Variants in NCSTN observed in about 807,000 individuals in gnomAD.
The protein encoded by NCSTN is anterior pharynx-defective 2.
In NCSTN, 22 loss-of-function variants were observed where a neutral mutation model predicts 87.0. The ratio of observed to expected loss-of-function variants is 0.25; its 90% CI spans 0.18 to 0.36. The LOEUF (loss-of-function observed/expected upper bound fraction) is 0.36. NCSTN is among the 10% of genes least tolerant of loss of function. NCSTN has a pLI of 1.00. For synonymous variants in NCSTN, 306 were observed against 327.1 expected (o/e 0.94, Z 0.69); for missense variants, 693 against 883.3 (o/e 0.78, Z 2.73).
At position 160,343,499 on chromosome 1, in the gene NCSTN, G is replaced by A. The variant is rs777521432; in HGVS notation, c.85+18G>A. On this transcript the variant is annotated intron_variant, in intron 1 of 16. Coordinates refer to ENST00000294785, the MANE Select transcript of NCSTN (RefSeq NM_015331.3). ...ACTAGCAGGTGAGGCCTCCCCGCCC[G>A]TGAGCTCCGTTCTCTAAGGGGAACT... 6.3e-7 allele frequency: 1 copy of A among 1,592,054 alleles called. No homozygotes were observed. Among genetic ancestry groups the A allele is most frequent in the Non-Finnish European group, 8.5e-7 (1 of 1,169,798 alleles).
In NCSTN at chr1:160,351,150, C is replaced by T; in HGVS notation, c.583-72C>T. ...CATCCCAAAAGGATGGAACTGGGCC[C>T]TCCTCCTTCTGGGATGTAAGGGAGG... On this transcript the variant is annotated intron_variant, in intron 5 of 16. Coordinates refer to ENST00000294785, the MANE Select transcript of NCSTN (RefSeq NM_015331.3). 4 of 1,533,770 alleles carry T rather than the reference C, an allele frequency of 2.6e-6. No homozygotes were observed. In the South Asian group the frequency reaches 4.5e-5, roughly 17 times the overall value.
At chr1:160,356,156 T>A in intron 13 of NCSTN, 104 bp from the exon 14 acceptor site, 1 of 1,134,868 alleles carries the variant, frequency 8.8e-7, no homozygotes, top group Non-Finnish European at 1.3e-6. Flanking sequence ...CCAGTCTATC[T>A]GGCCAGTCTG....
At chr1:160,343,958 T>TTTTG (rs1185279784) in intron 1 of NCSTN, 2 of 240,388 alleles carry the variant, frequency 8.3e-6, no homozygotes, top group African/African-American at 5.2e-5. Flanking sequence ...CCTCAGGTTT[T>TTTTG]TTTTTTTTTT....
chr1:160,348,435 C>T (rs886679703), intron 2 of NCSTN, among the ~76,000 whole-genome samples: 7 of 152,222 alleles, frequency 4.6e-5, no homozygotes, highest in Non-Finnish European at 8.8e-5. Flanking sequence ...AATGAGAGCA[C>T]ATCTCTGATC....
chr1:160,353,228 A>G lies in NCSTN; in HGVS notation c.1170A>G (p.Val390=). 1 of 1,614,166 alleles carries G rather than the reference A, an allele frequency of 6.2e-7. No individual in the cohort carries two copies. The highest frequency in any genetic ancestry group is 8.5e-7 in the Non-Finnish European group (1 of 1,180,016). ...CTGTTTCTCAGAAAAATGAGTCTGT[A>G]CGGAACCAGGTAACCTGAGCATCTC... ...TDPVSQKNES[V]RNQVEDLLAT... The change falls in exon 10 of 17, where the codon GTA becomes GTG. Residue 390 remains valine (V), a synonymous_variant. Transcript: ENST00000294785.
intron 4 of NCSTN, 21 bp from the exon 5 acceptor site, chr1:160,350,084 A>C (rs1315439293): frequency 6.2e-7 from 1 of 1,613,290 alleles, no homozygotes; most frequent in Non-Finnish European, 8.5e-7. Flanking sequence ...CAGTCCCCCT[A>C]TTCCCCATCC....
At chr1:160,357,282 G>A (rs1482405952) in intron 16 of NCSTN, 29 bp downstream of exon 16, 2 of 1,583,820 alleles carry the variant, frequency 1.3e-6, no homozygotes, top group East Asian at 2.3e-5. Flanking sequence ...ATAGGTGGCA[G>A]GGATCTGTTT....
In NCSTN at chr1:160,351,756, C is replaced by T; in HGVS notation, c.794C>T (p.Thr265Ile). Residue 265 changes from threonine to isoleucine, a missense_variant, in exon 7 of 17, where the codon ACA becomes ATA. Thr to Ile is a moderately conservative substitution (Grantham distance 89). Transcript: ENST00000294785. ...TGGAGCATGCTAAAGCCTATAAATACAACTGGGACATTAAAGCCTGACGAC... is the reference window on the plus strand; with the variant it reads ...TGGAGCATGCTAAAGCCTATAAATATAACTGGGACATTAAAGCCTGACGAC... ...NVWSMLKPIN[T>I]TGTLKPDDRV... 1 of 1,613,638 alleles carries T rather than the reference C, an allele frequency of 6.2e-7. No homozygotes were observed. Among genetic ancestry groups the T allele is most frequent in the Non-Finnish European group, 8.5e-7 (1 of 1,179,514 alleles).
chr1:160,352,836 C>A (rs758819999), intron 8 of NCSTN, 51 bp from the exon 9 acceptor site: 22 of 1,472,634 alleles, frequency 1.5e-5, no homozygotes, highest in Non-Finnish European at 2.1e-5. Context: ...TCGAGGCTCT[C>A]CTAACCCTTT....
At chr1:160,353,037 C>T (rs1157121589) in intron 9 of NCSTN, 46 bp downstream of exon 9, 6 of 1,592,044 alleles carry the variant, frequency 3.8e-6, no homozygotes, top group Non-Finnish European at 8.6e-7. Flanking sequence ...TTAAATCTTC[C>T]TCCTTTGTTG....
rs747106420 is a variant in NCSTN, at chr1:160,352,137, T to G, written c.927T>G (p.Ala309=). The G allele has an allele frequency of 1.6e-5, 26 of 1,614,128 alleles. No homozygotes were observed. Among genetic ancestry groups the G allele is most frequent in the Non-Finnish European group, 2.2e-5 (26 of 1,180,040 alleles). The change falls in exon 8 of 17, where the codon GCT becomes GCG. Residue 309 remains alanine, a synonymous_variant. Coordinates refer to ENST00000294785, the MANE Select transcript of NCSTN (RefSeq NM_015331.3). ...CCTTTGTCACCCAGCTGGCTGCTGC[T>G]GAAGCTTTGCAAAAGGCACCTGATG... ...VASFVTQLAA[A]EALQKAPDVT...
chr1:160,354,398 C>A (rs975025876), intron 11 of NCSTN, 108 bp downstream of exon 11: 99 of 1,202,916 alleles, frequency 8.2e-5, no homozygotes, highest in Non-Finnish European at 1.2e-4. Flanking sequence ...CCCTCCAGAA[C>A]TTCAGGTCCA....
Position 160,355,653 on chromosome 1 carries a change from A to C in NCSTN, c.1353-2A>C. 6.2e-7 allele frequency: 1 copy of C among 1,612,062 alleles called. No individual in the cohort carries two copies. The highest frequency in any genetic ancestry group is 8.5e-7 in the Non-Finnish European group (1 of 1,178,090). The stretch of plus-strand genomic sequence containing the variant: ...CAAGGCTCATGCCGGCTTTCCTGGC[A>C]GATATTACCAGAGTATTTACGACAC... On this transcript the variant is annotated splice_acceptor_variant, in intron 11 of 16. Transcript: ENST00000294785. LOFTEE classifies it high-confidence loss of function.
In NCSTN at chr1:160,358,713, C is replaced by T; in HGVS notation, c.*442C>T. 1 of 273,266 alleles carries T rather than the reference C, an allele frequency of 3.7e-6. No homozygotes were observed. Among genetic ancestry groups the T allele is most frequent in the South Asian group, 4.1e-5 (1 of 24,478 alleles). The allele number at this position is 273,266 out of a possible 1,614,324, so 16.9% of individuals were successfully genotyped here. Reference sequence around the variant, plus strand: ...GTCAGGGTCAAACTACATTGAGCCCCTGAGGACAGGGGCATCTCTGGGCTG... The same window carrying T: ...GTCAGGGTCAAACTACATTGAGCCCTTGAGGACAGGGGCATCTCTGGGCTG... On this transcript the variant is annotated 3_prime_UTR_variant, in exon 17 of 17. Coordinates refer to ENST00000294785, the MANE Select transcript of NCSTN (RefSeq NM_015331.3).
intron 5 of NCSTN, among the ~76,000 whole-genome samples, chr1:160,350,826 A>G (rs1648797191): frequency 6.6e-6 from 1 of 152,100 alleles, no homozygotes; most frequent in Non-Finnish European, 1.5e-5. Context: ...TGACTCATAG[A>G]GTAGTTAAGA....
At chr1:160,354,381 C>T in intron 11 of NCSTN, 91 bp downstream of exon 11, 1 of 1,372,356 alleles carries the variant, frequency 7.3e-7, no homozygotes, top group African/African-American at 1.4e-5. Flanking sequence ...CGCTTTCCCA[C>T]ACTACCCCCT....
intron 1 of NCSTN, chr1:160,343,994 T>C (rs1208313500): frequency 8.1e-6 from 2 of 247,622 alleles, no homozygotes; most frequent in African/African-American, 5.8e-5. Context: ...AAAGCAAGAA[T>C]AAGGTAGGAT....
At position 160,356,361 on chromosome 1, in the gene NCSTN, G is replaced by A. The variant is rs760277568; in HGVS notation, c.1639+14G>A. 1.9e-6 allele frequency: 3 copies of A among 1,578,990 alleles called. No homozygotes were observed. Among genetic ancestry groups the A allele is most frequent in the Non-Finnish European group, 2.6e-6 (3 of 1,147,926 alleles). ...GGTCCTACTTGGGTAAGCATCTGGTGTGGGAATGGGACCCTTAGCTGAGGA... is the reference window on the plus strand; with the variant it reads ...GGTCCTACTTGGGTAAGCATCTGGTATGGGAATGGGACCCTTAGCTGAGGA... On this transcript the variant is annotated intron_variant, in intron 14 of 16. Transcript: ENST00000294785.
chr1:160,345,262 G>A (rs1448752718), intron 2 of NCSTN: 7 of 262,656 alleles, frequency 2.7e-5, no homozygotes, highest in South Asian at 1.6e-4. Context: ...GCACGATCTC[G>A]GCTCACGGTG....
Sources: allele counts gnomAD v4.1 joint callset (sites outside exome capture counted in the v4.1 genomes callset), GRCh38; gene constraint gnomAD v4.1.1; transcripts MANE v1.5; gene names NCBI Gene and HGNC (gene_info 2026-07-23, HGNC 2026-07-21).